Variants in TBCA observed in about 807,000 individuals in gnomAD.
The protein encoded by TBCA is tubulin-specific chaperone A.
A neutral mutation model predicts 15.8 loss-of-function variants in TBCA; 6 were observed. That is an observed-to-expected ratio of 0.38 (90% confidence interval 0.21 to 0.75). The LOEUF (loss-of-function observed/expected upper bound fraction) is 0.75. TBCA is among the 30% of genes least tolerant of loss of function. The probability of loss-of-function intolerance (pLI) is 0.46; values close to 1 mark genes in which losing one functional copy is unlikely to be tolerated. For synonymous variants in TBCA, 32 were observed against 42.3 expected, an observed-to-expected ratio of 0.76 and a Z score of 0.94; for missense variants, 90 against 131.2, an observed-to-expected ratio of 0.69 and a Z score of 1.53.
At chr5:77,703,793 T>C (rs1054021987) in intron 2 of TBCA, among the ~76,000 whole-genome samples, 2 of 152,170 alleles carry the variant, frequency 1.3e-5, no homozygotes, top group Non-Finnish European at 2.9e-5. Context: ...AGACAGAGTT[T>C]CACCTTTGAT....
intron 1 of TBCA, among the ~76,000 whole-genome samples, chr5:77,759,322 A>T (rs1013697466): frequency 1.3e-5 from 2 of 152,210 alleles, no homozygotes; most frequent in Non-Finnish European, 2.9e-5. Context: ...TATCATGCAG[A>T]TGAAGCCTCC....
chr5:77,776,055 C>T (rs1748016787), intron 1 of TBCA, 150 bp downstream of exon 1: 5 of 912,678 alleles, frequency 5.5e-6, no homozygotes, highest in Non-Finnish European at 8.0e-6. Context: ...CCGCTGGGTC[C>T]CTGCCAGTCC....
chr5:77,762,067 C>G (rs1027677131), intron 1 of TBCA, among the ~76,000 whole-genome samples: 39 of 152,168 alleles, frequency 2.6e-4, no homozygotes, highest in African/African-American at 7.2e-4. Context: ...GTGAGGCACT[C>G]TCCTTCAAAG....
chr5:77,714,362 T>A (rs1204804118), intron 1 of TBCA, among the ~76,000 whole-genome samples: 1 of 151,680 alleles, frequency 6.6e-6, no homozygotes, highest in Non-Finnish European at 1.5e-5. Flanking sequence ...TCCATAAAAA[T>A]TAAAGCTTTC....
intron 1 of TBCA, among the ~76,000 whole-genome samples, chr5:77,721,320 CT>C (rs1486135304): frequency 1.3e-5 from 2 of 151,994 alleles, no homozygotes; most frequent in East Asian, 3.8e-4. Context: ...TACAGAGGCA[CT>C]TTGATATGTA....
intron 1 of TBCA, among the ~76,000 whole-genome samples, chr5:77,719,982 A>G (rs1404485332): frequency 6.6e-6 from 1 of 152,064 alleles, no homozygotes; most frequent in Non-Finnish European, 1.5e-5. Context: ...AAAATCACAA[A>G]TCTGTCTGTA....
At chr5:77,719,850 C>T (rs1415571109) in intron 1 of TBCA, among the ~76,000 whole-genome samples, 2 of 152,084 alleles carry the variant, frequency 1.3e-5, no homozygotes, top group African/African-American at 4.8e-5. Context: ...AAAGTGCATA[C>T]TACTGAAAGG....
intron 1 of TBCA, among the ~76,000 whole-genome samples, chr5:77,735,701 A>T (rs1049932306): frequency 1.3e-5 from 2 of 152,180 alleles, no homozygotes; most frequent in Non-Finnish European, 2.9e-5. Flanking sequence ...ACTCTATTAA[A>T]AATTCAATAC....
intron 1 of TBCA, among the ~76,000 whole-genome samples, chr5:77,760,576 C>T (rs1747595471): frequency 6.6e-6 from 1 of 152,202 alleles, no homozygotes; most frequent in South Asian, 2.1e-4. Flanking sequence ...GCACGCGCCA[C>T]CACGCCTGAC....
At chr5:77,735,972 G>C (rs1422925824) in intron 1 of TBCA, among the ~76,000 whole-genome samples, 1 of 152,116 alleles carries the variant, frequency 6.6e-6, no homozygotes, top group East Asian at 1.9e-4. Flanking sequence ...CAATGACTGG[G>C]TAACCCCTTA....
At chr5:77,754,781 A>G (rs924239305) in intron 1 of TBCA, among the ~76,000 whole-genome samples, 1 of 152,220 alleles carries the variant, frequency 6.6e-6, no homozygotes, top group Non-Finnish European at 1.5e-5. Context: ...TTTGGCAGAG[A>G]TAAAAATGAA....
chr5:77,749,902 T>C (rs1037258854), intron 1 of TBCA, among the ~76,000 whole-genome samples: 3 of 152,202 alleles, frequency 2.0e-5, no homozygotes, highest in African/African-American at 7.2e-5. Flanking sequence ...CTGCTCTACA[T>C]GTTCTAATGT....
chr5:77,719,292 A>C (rs1746475408), intron 1 of TBCA, among the ~76,000 whole-genome samples: 1 of 152,190 alleles, frequency 6.6e-6, no homozygotes, highest in South Asian at 2.1e-4. Flanking sequence ...CGTATGTTTA[A>C]AGTAAATGAA....
chr5:77,702,766 T>A (rs352555), intron 2 of TBCA, among the ~76,000 whole-genome samples: 1 of 152,022 alleles, frequency 6.6e-6, no homozygotes, highest in Non-Finnish European at 1.5e-5. Context: ...TCTTTGAATA[T>A]CTTTTGGAAT....
chr5:77,701,535 A>G (rs1293835762), intron 2 of TBCA, among the ~76,000 whole-genome samples: 1 of 151,840 alleles, frequency 6.6e-6, no homozygotes, highest in Non-Finnish European at 1.5e-5. Flanking sequence ...TGATCCAGCA[A>G]TTCCTATTGG....
At chr5:77,695,037 G>T (rs758725069) in intron 2 of TBCA, among the ~76,000 whole-genome samples, 6 of 152,012 alleles carry the variant, frequency 3.9e-5, no homozygotes, top group Non-Finnish European at 8.8e-5. Flanking sequence ...ATTTCTTAGT[G>T]GCTTTTTCCT....
chr5:77,756,840 G>C (rs1321788385), intron 1 of TBCA, among the ~76,000 whole-genome samples: 1 of 152,090 alleles, frequency 6.6e-6, no homozygotes, highest in Non-Finnish European at 1.5e-5. Flanking sequence ...CATGACCCTT[G>C]AAACTCCACA....
At chr5:77,766,863 T>C (rs895344311) in intron 1 of TBCA, among the ~76,000 whole-genome samples, 1 of 152,322 alleles carries the variant, frequency 6.6e-6, no homozygotes, top group East Asian at 1.9e-4. Flanking sequence ...CATAAACCCT[T>C]TTCTGGTTTC....
chr5:77,704,538 C>T (rs1020129607), intron 2 of TBCA, among the ~76,000 whole-genome samples: 2 of 152,098 alleles, frequency 1.3e-5, no homozygotes, highest in African/African-American at 4.8e-5. Context: ...GTAGAAAACC[C>T]ACAAAATGCA....
Sources: allele counts gnomAD v4.1 joint callset (sites outside exome capture counted in the v4.1 genomes callset), GRCh38; gene constraint gnomAD v4.1.1; transcripts MANE v1.5; gene names NCBI Gene and HGNC (gene_info 2026-07-23, HGNC 2026-07-21).